Variants in OR5AN1 observed in about 807,000 individuals in gnomAD.
The protein encoded by OR5AN1 is olfactory receptor 5AN1.
For synonymous variants in OR5AN1, 167 were observed against 131.8 expected, an observed-to-expected ratio of 1.27 and a Z score of -1.83; for missense variants, 476 against 368.9, an observed-to-expected ratio of 1.29 and a Z score of -2.38.
At position 59,364,778 on chromosome 11, in the gene OR5AN1, C is replaced by T. The variant is rs759679783; in HGVS notation, c.320C>T (p.Thr107Met). ...ATTATTCAGTACTTTATCTTTTCAA[C>T]GATGGGACTGAGTGAGTCTTGTCTC... ...GCIIQYFIFSTMGLSESCLMT... is the reference protein window; with the variant it reads ...GCIIQYFIFSMMGLSESCLMT... Residue 107 changes from threonine to methionine, a missense_variant, in exon 2 of 2, where the codon ACG becomes ATG. Transcript: ENST00000641998. 9.3e-6 allele frequency: 15 copies of T among 1,614,072 alleles called. No individual in the cohort carries two copies. Among genetic ancestry groups the T allele is most frequent in the Admixed American group, 8.3e-5 (5 of 60,026 alleles).
rs952393373 is a variant in OR5AN1, at chr11:59,369,553, C to A, written c.*4159C>A. 3 of 151,682 alleles carry A rather than the reference C, an allele frequency of 2.0e-5. No individual in the cohort carries two copies. 9.4% of individuals were successfully genotyped at this position (151,682 alleles called of 1,614,324 possible). A position where few individuals can be genotyped will look rare whatever the true frequency, so the allele number is the denominator to read the frequency against. ...TTGATGCTGGTTCTCTGAAATAAGA[C>A]AGTCAGACACAAATAAAGAAAAAAA... is the stretch of plus-strand genomic sequence containing the variant. On this transcript the variant is annotated 3_prime_UTR_variant, in exon 2 of 2. Transcript: ENST00000641998.
intron 1 of OR5AN1, among the ~76,000 whole-genome samples, chr11:59,361,114 G>C (rs1288335337): frequency 6.9e-6 from 1 of 144,648 alleles, no homozygotes; most frequent in Non-Finnish European, 1.6e-5. Context: ...AATACTACAA[G>C]ATAGAAAGAA....
chr11:59,364,718 T>G lies in OR5AN1; in HGVS notation c.260T>G (p.Leu87Ter), dbSNP rs141745866. ...GTCCCCAAGATGCTCTCCAACCTCT[T>G]ACAGGAACAGCAAACTATCACTTTT... The part of the protein sequence containing the change: ...STVPKMLSNL[L>*]QEQQTITFVG... The change falls in exon 2 of 2, where the codon TTA becomes TGA. Residue 87 changes from leucine to a stop codon, truncating the protein, a stop_gained. Coordinates refer to ENST00000641998, the MANE Select transcript of OR5AN1 (RefSeq NM_001004729.2). LOFTEE classifies it low-confidence loss of function (END_TRUNC). 9 of 1,613,906 alleles carry G rather than the reference T, an allele frequency of 5.6e-6. No homozygotes were observed. The African/African-American group carries it at 1.2e-4, about 22-fold the overall frequency.
Position 59,367,203 on chromosome 11 carries a change from T to C in OR5AN1, c.*1809T>C, listed in dbSNP as rs1857544688. The C allele has an allele frequency of 6.6e-6, 1 of 152,112 alleles. No homozygotes were observed. The highest frequency in any genetic ancestry group is 2.1e-4 in the South Asian group (1 of 4,814). The allele number at this position is 152,112 out of a possible 1,614,324, so 9.4% of individuals were successfully genotyped here. On this transcript the variant is annotated 3_prime_UTR_variant, in exon 2 of 2. Transcript: ENST00000641998. ...AAGATGGCTGACCAGAAGCAGCTAGTGTGTGTGGCTGTCATGGAAAGGAAC... is the reference window on the plus strand; with the variant it reads ...AAGATGGCTGACCAGAAGCAGCTAGCGTGTGTGGCTGTCATGGAAAGGAAC...
chr11:59,363,978 G>T (rs935567573), intron 1 of OR5AN1, among the ~76,000 whole-genome samples: 3 of 152,050 alleles, frequency 2.0e-5, no homozygotes, highest in African/African-American at 4.8e-5. Context: ...GGCCAGGCTG[G>T]TCTCAAACTC....
In OR5AN1 at chr11:59,364,932, A is replaced by G; in HGVS notation, c.474A>G (p.Leu158=). 6.2e-7 allele frequency: 1 copy of G among 1,614,010 alleles called. No individual in the cohort carries two copies. The highest frequency in any genetic ancestry group is 2.2e-5 in the East Asian group (1 of 44,858). The change falls in exon 2 of 2, where the codon TTA becomes TTG. Residue 158 remains leucine (L), a synonymous_variant. Transcript: ENST00000641998. The part of the protein sequence containing the change: ...GAYMTGLTAS[L]FQIGALLQLH... ...ACATGACTGGCCTCACTGCTTCTTT[A>G]TTCCAAATTGGTGCTTTGCTTCAAC...
chr11:59,364,809 A>C lies in OR5AN1; in HGVS notation c.351A>C (p.Thr117=). ...TMGLSESCLM[T]AMAYDRYAAI... ...GACTGAGTGAGTCTTGTCTCATGAC[A>C]GCCATGGCTTATGATCGTTATGCTG... Residue 117 remains threonine, a synonymous_variant, in exon 2 of 2, where the codon ACA becomes ACC. Transcript: ENST00000641998. 6.2e-7 allele frequency: 1 copy of C among 1,614,084 alleles called. No individual in the cohort carries two copies. The highest frequency in any genetic ancestry group is 8.5e-7 in the Non-Finnish European group (1 of 1,179,942).
Position 59,366,197 on chromosome 11 carries a change from G to A in OR5AN1, c.*803G>A, listed in dbSNP as rs903216209. The A allele has an allele frequency of 2.0e-5, 3 of 152,194 alleles. No homozygotes were observed. Among genetic ancestry groups the A allele is most frequent in the East Asian group, 1.9e-4 (1 of 5,198 alleles). The allele number at this position is 152,194 out of a possible 1,614,324, so 9.4% of individuals were successfully genotyped here. A position where few individuals can be genotyped will look rare whatever the true frequency, so the allele number is the denominator to read the frequency against. On this transcript the variant is annotated 3_prime_UTR_variant, in exon 2 of 2. Transcript: ENST00000641998. ...ATGGAGATGATATTCAAAGTTCACA[G>A]CCAATAGCAACATCTGATACTGTGG...
Position 59,365,592 on chromosome 11 carries a change from C to T in OR5AN1, c.*198C>T, listed in dbSNP as rs147296143. The T allele has an allele frequency of 6.5e-6, 3 of 463,612 alleles. No homozygotes were observed. The highest frequency in any genetic ancestry group is 6.0e-5 in the African/African-American group (3 of 49,924). The allele number at this position is 463,612 out of a possible 1,614,324, so 28.7% of individuals were successfully genotyped here. On this transcript the variant is annotated 3_prime_UTR_variant, in exon 2 of 2. Transcript: ENST00000641998. ...CCACAGACATCAGGATCTTTAGGTC[C>T]TGGAGGTTCATTATTTTTATCCTAC...
At position 59,366,395 on chromosome 11, in the gene OR5AN1, C is replaced by T. The variant is rs1365341511; in HGVS notation, c.*1001C>T. On this transcript the variant is annotated 3_prime_UTR_variant, in exon 2 of 2. Coordinates refer to ENST00000641998, the MANE Select transcript of OR5AN1 (RefSeq NM_001004729.2). ...TGTTCAGAGAAGTCATGCATTTAAG[C>T]CTACTCTACATCAGCCAGTCCCAGC... 6.6e-6 allele frequency: 1 copy of T among 152,180 alleles called. No homozygotes were observed. Among genetic ancestry groups the T allele is most frequent in the African/African-American group, 2.4e-5 (1 of 41,440 alleles). 9.4% of individuals were successfully genotyped at this position (152,180 alleles called of 1,614,324 possible).
At chr11:59,361,681 G>A (rs1857464156) in intron 1 of OR5AN1, among the ~76,000 whole-genome samples, 1 of 152,104 alleles carries the variant, frequency 6.6e-6, no homozygotes, top group South Asian at 2.1e-4. Context: ...AGCAACTGAG[G>A]TAAAGAGAAG....
At position 59,369,933 on chromosome 11, in the gene OR5AN1, C is replaced by A. The variant is rs915355843; in HGVS notation, c.*4539C>A. Reference sequence around the variant, plus strand: ...GACCTCTCCACTGGTACCCTACAAGCCAGAAGAGTTTGGGGTTTTGTCTTC... The same window carrying A: ...GACCTCTCCACTGGTACCCTACAAGACAGAAGAGTTTGGGGTTTTGTCTTC... On this transcript the variant is annotated 3_prime_UTR_variant, in exon 2 of 2. Transcript: ENST00000641998. 1 of 152,120 alleles carries A rather than the reference C, an allele frequency of 6.6e-6. No individual in the cohort carries two copies. The highest frequency in any genetic ancestry group is 1.5e-5 in the Non-Finnish European group (1 of 68,020). The allele number at this position is 152,120 out of a possible 1,614,324, so 9.4% of individuals were successfully genotyped here. A position where few individuals can be genotyped will look rare whatever the true frequency, so the allele number is the denominator to read the frequency against.
In OR5AN1 at chr11:59,369,246, AG is replaced by A. The variant is rs1161899450; in HGVS notation, c.*3853del. On this transcript the variant is annotated 3_prime_UTR_variant, in exon 2 of 2. Coordinates refer to ENST00000641998, the MANE Select transcript of OR5AN1 (RefSeq NM_001004729.2). Reference sequence around the variant, plus strand: ...CTCCAAATGATCACACCAGTTCTCCAGCAAAGGTCCTTAACCAGGCCAAACT... The same window carrying A: ...CTCCAAATGATCACACCAGTTCTCCACAAAGGTCCTTAACCAGGCCAAACT... 6.6e-6 allele frequency: 1 copy of A among 152,188 alleles called. No homozygotes were observed. Among genetic ancestry groups the A allele is most frequent in the Non-Finnish European group, 1.5e-5 (1 of 68,040 alleles). 9.4% of individuals were successfully genotyped at this position (152,188 alleles called of 1,614,324 possible). A position where few individuals can be genotyped will look rare whatever the true frequency, so the allele number is the denominator to read the frequency against.
At chr11:59,362,589 T>C (rs139567337) in intron 1 of OR5AN1, among the ~76,000 whole-genome samples, 59 of 152,346 alleles carry the variant, frequency 3.9e-4, no homozygotes, top group African/African-American at 1.3e-3. Flanking sequence ...AAATACTTTT[T>C]AATATCTGAA....
intron 1 of OR5AN1, 93 bp downstream of exon 1, chr11:59,359,365 T>C (rs533616726): frequency 1.3e-5 from 2 of 152,316 alleles, no homozygotes; most frequent in East Asian, 3.9e-4. Context: ...AAAATGGGGA[T>C]GTTGGGATAA....
In OR5AN1 at chr11:59,369,987, C is replaced by G. The variant is rs968266470; in HGVS notation, c.*4593C>G. 1 of 152,250 alleles carries G rather than the reference C, an allele frequency of 6.6e-6. No homozygotes were observed. Among genetic ancestry groups the G allele is most frequent in the East Asian group, 1.9e-4 (1 of 5,186 alleles). 9.4% of individuals were successfully genotyped at this position (152,250 alleles called of 1,614,324 possible). ...ATCCTTAAAGAAAATAGTCTTCAAC[C>G]AAGAATTTCATATCTAGCCAAACTA... is the stretch of plus-strand genomic sequence containing the variant. On this transcript the variant is annotated 3_prime_UTR_variant, in exon 2 of 2. Transcript: ENST00000641998.
At chr11:59,362,106 T>C (rs11229933) in intron 1 of OR5AN1, among the ~76,000 whole-genome samples, 30,306 of 151,992 alleles carry the variant, frequency 0.2, 3,433 homozygotes, top group Non-Finnish European at 0.27. Context: ...AAAAGTAGAA[T>C]TACCTTGTGC....
rs952015181 is a variant in OR5AN1 at position 59,358,939 on chromosome 11, G to C, written c.-347G>C. The C allele has an allele frequency of 1.3e-5, 2 of 152,190 alleles. No homozygotes were observed. The highest frequency in any genetic ancestry group is 4.8e-5 in the African/African-American group (2 of 41,454). 9.4% of individuals were successfully genotyped at this position (152,190 alleles called of 1,614,324 possible). A position where few individuals can be genotyped will look rare whatever the true frequency, so the allele number is the denominator to read the frequency against. On this transcript the variant is annotated 5_prime_UTR_variant, in exon 1 of 2. The change abolishes an upstream ATG in the 5' untranslated region. Transcript: ENST00000641998. ...GACAGCCAATTTTGTGGTCAAACAT[G>C]CCCATCTTGGAGTGTGATACGCCCA...
chr11:59,360,278 A>T (rs1226997906), intron 1 of OR5AN1, among the ~76,000 whole-genome samples: 2 of 152,212 alleles, frequency 1.3e-5, no homozygotes, highest in African/African-American at 4.8e-5. Flanking sequence ...ATTGTCACTG[A>T]ATTGACCAGT....
Sources: gnomAD v4.1 joint callset for allele counts (sites outside exome capture counted in the v4.1 genomes callset) on GRCh38, gnomAD v4.1.1 for gene constraint, MANE v1.5 for transcripts, NCBI Gene and HGNC (gene_info 2026-07-23, HGNC 2026-07-21) for gene names.